The following ALDH1A2 variants were observed in gnomAD, a reference collection of about 807,000 sequenced individuals.
ALDH1A2 encodes the protein retinal dehydrogenase 2.
ALDH1A2 carries 27 observed loss-of-function variants against 60.3 expected under a neutral mutation model. That is an observed-to-expected ratio of 0.45 (90% CI 0.33 to 0.62). ALDH1A2 has a LOEUF of 0.62. Ranked by LOEUF, ALDH1A2 falls within the 20% of genes least tolerant of loss-of-function variation. The pLI, the probability that ALDH1A2 is intolerant of heterozygous loss-of-function variation, is 0.02. For synonymous variants in ALDH1A2, 289 were observed against 232.4 expected, an observed-to-expected ratio of 1.24 and a Z score of -2.21; for missense variants, 581 against 643.8, an observed-to-expected ratio of 0.90 and a Z score of 1.06.
rs1893747159 is a variant in ALDH1A2, at chr15:57,962,242, T to C, written c.1087-66A>G. 6 of 1,574,280 alleles carry C rather than the reference T, an allele frequency of 3.8e-6. No homozygotes were observed. The South Asian group carries it at 5.6e-5, about 15-fold the overall frequency. On this transcript the variant is annotated intron_variant, in intron 9 of 12. Transcript: ENST00000249750. Reference sequence around the variant, plus strand: ...TATGAAAATGGAAATAAGTATGTTCTTGAGAATCTTTCATTTTAGGGTTTT... The same window carrying C: ...TATGAAAATGGAAATAAGTATGTTCCTGAGAATCTTTCATTTTAGGGTTTT...
At chr15:58,003,279 T>C (rs757512393) in intron 4 of ALDH1A2, among the ~76,000 whole-genome samples, 2 of 151,832 alleles carry the variant, frequency 1.3e-5, no homozygotes, top group Non-Finnish European at 2.9e-5. Context: ...TGGTTGTTGT[T>C]AGGTGGGCAG....
chr15:58,034,237 G>A (rs1417816166), intron 1 of ALDH1A2, among the ~76,000 whole-genome samples: 4 of 151,540 alleles, frequency 2.6e-5, no homozygotes, highest in African/African-American at 9.7e-5. Context: ...TAATGTAAAT[G>A]ATACCGTGTT....
At chr15:58,036,204 C>T (rs1424000007) in intron 1 of ALDH1A2, among the ~76,000 whole-genome samples, 1 of 151,508 alleles carries the variant, frequency 6.6e-6, no homozygotes, top group Non-Finnish European at 1.5e-5. Flanking sequence ...GCTAGAAGTA[C>T]AAATTTAGCA....
chr15:58,021,677 C>T (rs2704198), intron 1 of ALDH1A2, among the ~76,000 whole-genome samples: 24 of 152,370 alleles, frequency 1.6e-4, no homozygotes, highest in African/African-American at 5.3e-4. Context: ...CTTTGACAAA[C>T]GTCGTGCTGT....
intron 1 of ALDH1A2, among the ~76,000 whole-genome samples, chr15:58,031,762 C>T (rs1396206518): frequency 2.0e-5 from 3 of 152,196 alleles, no homozygotes; most frequent in Admixed American, 6.5e-5. Context: ...AAATGCTCAT[C>T]ACCACCGGTC....
At chr15:58,053,367 G>A (rs1444090119) in intron 1 of ALDH1A2, among the ~76,000 whole-genome samples, 3 of 151,988 alleles carry the variant, frequency 2.0e-5, no homozygotes, top group Non-Finnish European at 2.9e-5. Flanking sequence ...TTCCAAAAAA[G>A]CAAAAAGCAT....
intron 1 of ALDH1A2, among the ~76,000 whole-genome samples, chr15:58,052,526 C>T (rs571491364): frequency 2.0e-5 from 3 of 151,956 alleles, no homozygotes; most frequent in Admixed American, 6.6e-5. Context: ...AGTGCAGTGG[C>T]GCAATCTCGG....
chr15:58,060,032 C>T (rs1389229987), intron 1 of ALDH1A2, among the ~76,000 whole-genome samples: 2 of 152,142 alleles, frequency 1.3e-5, no homozygotes, highest in Non-Finnish European at 2.9e-5. Context: ...AAGTGATTCT[C>T]CTGCCTCAGC....
rs1385749280 is a variant in ALDH1A2, at chr15:57,955,059, T to G, written c.*138A>C. The stretch of plus-strand genomic sequence containing the variant: ...GGTTTGCTTTAGTTGTGCAGTGACC[T>G]GCCTGGCCTACATGTTATCTTTTCA... On this transcript the variant is annotated 3_prime_UTR_variant, in exon 13 of 13. Transcript: ENST00000249750. The G allele has an allele frequency of 3.1e-6, 3 of 981,850 alleles. No homozygotes were observed. In the African/African-American group the frequency reaches 4.8e-5, roughly 16 times the overall value. 60.8% of individuals were successfully genotyped at this position (981,850 alleles called of 1,614,324 possible).
At chr15:57,979,819 G>T in intron 7 of ALDH1A2, 1 of 260,806 alleles carries the variant, frequency 3.8e-6, no homozygotes, top group South Asian at 5.7e-5. Context: ...CACTGTGCCT[G>T]GCAGGCAGTA....
chr15:58,050,824 T>G (rs759368088), intron 1 of ALDH1A2, among the ~76,000 whole-genome samples: 2 of 152,170 alleles, frequency 1.3e-5, no homozygotes, highest in East Asian at 3.9e-4. Context: ...TCAGTTGAAT[T>G]AGAAGTTAAT....
intron 4 of ALDH1A2, among the ~76,000 whole-genome samples, chr15:58,000,984 G>A (rs1895247050): frequency 7.3e-6 from 1 of 136,994 alleles, no homozygotes; most frequent in Admixed American, 7.9e-5. Context: ...CCTGAAAGGA[G>A]TATATAGTGT....
In ALDH1A2 at chr15:58,014,266, C is replaced by G; in HGVS notation, c.133G>C (p.Glu45Gln). ...IKYTKIFINN[E>Q]WQNSESGRVF... ...CTCCCACTCTCTGAGTTCTGCCACT[C>G]GTTGTTTATAAAGATCTAAGGGAGT... The change falls in exon 2 of 13, where the codon GAG (glutamate) becomes CAG (glutamine). Residue 45 changes from glutamate (E) to glutamine (Q), a missense_variant. Glu to Gln is a conservative substitution (Grantham distance 29). Around this residue, in one of 2 missense-constraint regions of ALDH1A2, gnomAD observed 206 missense variants for 174.1 expected, o/e 1.18. Transcript: ENST00000249750. 1 of 1,613,844 alleles carries G rather than the reference C, an allele frequency of 6.2e-7. No homozygotes were observed. Among genetic ancestry groups the G allele is most frequent in the Non-Finnish European group, 8.5e-7 (1 of 1,179,828 alleles).
At chr15:58,009,043 A>T (rs1239041888) in intron 4 of ALDH1A2, among the ~76,000 whole-genome samples, 3 of 152,140 alleles carry the variant, frequency 2.0e-5, no homozygotes, top group Non-Finnish European at 4.4e-5. Flanking sequence ...GGAAGGGAAG[A>T]GCCCCTACAA....
chr15:58,052,421 G>T (rs1485191505), intron 1 of ALDH1A2, among the ~76,000 whole-genome samples: 2 of 151,972 alleles, frequency 1.3e-5, no homozygotes, highest in Non-Finnish European at 2.9e-5. Context: ...TCTCATTCTG[G>T]TCTCTCATTT....
At chr15:58,007,663 T>C (rs1468888330) in intron 4 of ALDH1A2, among the ~76,000 whole-genome samples, 4 of 152,058 alleles carry the variant, frequency 2.6e-5, no homozygotes, top group East Asian at 1.9e-4. Flanking sequence ...TTAAATTCTA[T>C]GCAAATATAA....
chr15:57,995,996 A>G (rs1403636340), intron 4 of ALDH1A2, among the ~76,000 whole-genome samples: 2 of 152,114 alleles, frequency 1.3e-5, no homozygotes, highest in African/African-American at 4.8e-5. Context: ...AATACTGGGC[A>G]AAGTCTTTAT....
At chr15:57,978,116 T>C (rs1174846745) in intron 7 of ALDH1A2, among the ~76,000 whole-genome samples, 2 of 152,222 alleles carry the variant, frequency 1.3e-5, no homozygotes, top group Admixed American at 1.3e-4. Context: ...GTTTTCTAAA[T>C]ATACAATCAT....
At chr15:57,964,199 TG>T in intron 8 of ALDH1A2, 130 bp from the exon 9 acceptor site, 1 of 949,566 alleles carries the variant, frequency 1.1e-6, no homozygotes, top group Non-Finnish European at 1.6e-6. Context: ...TGAATAGCCC[TG>T]GATTGGGAAT....
Sources: gnomAD v4.1 joint callset for allele counts (sites outside exome capture counted in the v4.1 genomes callset) on GRCh38, gnomAD v4.1.1 for gene constraint, gnomAD v4.1.1 regional missense constraint, MANE v1.5 for transcripts, NCBI Gene and HGNC (gene_info 2026-07-23, HGNC 2026-07-21) for gene names.